PPP6R3: variants seen among roughly 807,000 people sequenced by gnomAD.
PPP6R3 encodes the protein protein phosphatase 6 regulatory subunit 3.
A neutral mutation model predicts 110.7 loss-of-function variants in PPP6R3; 38 were observed. The ratio of observed to expected loss-of-function variants is 0.34; its 90% CI spans 0.26 to 0.45. The LOEUF (loss-of-function observed/expected upper bound fraction) is 0.45. Ranked by LOEUF, PPP6R3 falls within the 20% of genes least tolerant of loss-of-function variation. The probability of loss-of-function intolerance (pLI) is 1.00; values close to 1 mark genes in which losing one functional copy is unlikely to be tolerated. For synonymous variants in PPP6R3, 369 were observed against 373.5 expected, an observed-to-expected ratio of 0.99 and a Z score of 0.14; for missense variants, 870 against 1,062.4, an observed-to-expected ratio of 0.82 and a Z score of 2.52.
At chr11:68,485,409 G>C (rs2098940781) in intron 1 of PPP6R3, among the ~76,000 whole-genome samples, 1 of 151,408 alleles carries the variant, frequency 6.6e-6, no homozygotes, top group Non-Finnish European at 1.5e-5. Flanking sequence ...AGGACTTCCA[G>C]TATGATATGA....
chr11:68,557,682 C>G (rs1412805763), intron 7 of PPP6R3, among the ~76,000 whole-genome samples: 2 of 152,116 alleles, frequency 1.3e-5, no homozygotes, highest in Non-Finnish European at 2.9e-5. Context: ...CGAGGCCCGG[C>G]TAATTTTTGT....
Position 68,601,945 on chromosome 11 carries a change from G to A in PPP6R3, c.2275G>A (p.Ala759Thr). 1 of 1,613,038 alleles carries A rather than the reference G, an allele frequency of 6.2e-7. No homozygotes were observed. The highest frequency in any genetic ancestry group is 8.5e-7 in the Non-Finnish European group (1 of 1,179,608). Residue 759 changes from alanine (A) to threonine (T), a missense_variant, in exon 21 of 24, where the codon GCT becomes ACT. Ala to Thr is a moderately conservative substitution (Grantham distance 58). Coordinates refer to ENST00000393800, the MANE Select transcript of PPP6R3 (RefSeq NM_001164161.2). ...CATGGACCCTCTGACTCCCAGTGCG[G>A]CTGCCCTGGCAGTGCAGCCAGAAGG... is the stretch of plus-strand genomic sequence containing the variant. The part of the protein sequence containing the change: ...EPMDPLTPSA[A>T]ALAVQPEAAG...
chr11:68,470,556 G>A (rs2098783756), intron 1 of PPP6R3, among the ~76,000 whole-genome samples: 2 of 152,180 alleles, frequency 1.3e-5, no homozygotes, highest in South Asian at 2.1e-4. Flanking sequence ...AAGTCATTTG[G>A]TGTTTTGAGC....
At chr11:68,517,068 A>G (rs1429128289) in intron 1 of PPP6R3, among the ~76,000 whole-genome samples, 3 of 149,776 alleles carry the variant, frequency 2.0e-5, no homozygotes, top group Non-Finnish European at 4.4e-5. Context: ...GGTTTTGAGA[A>G]TTATTTATCT....
intron 22 of PPP6R3, among the ~76,000 whole-genome samples, chr11:68,607,176 A>G (rs1204626067): frequency 3.9e-5 from 6 of 152,236 alleles, no homozygotes; most frequent in African/African-American, 1.4e-4. Flanking sequence ...TAAAATTTAT[A>G]TGGAAAAATG....
chr11:68,493,597 TAA>T (rs1210526539), intron 1 of PPP6R3, among the ~76,000 whole-genome samples: 2 of 112,096 alleles, frequency 1.8e-5, no homozygotes, highest in Non-Finnish European at 3.7e-5. Flanking sequence ...ATGCTTGGGG[TAA>T]AAAAAAAAAA....
intron 3 of PPP6R3, among the ~76,000 whole-genome samples, chr11:68,543,263 C>A (rs573764743): frequency 7.9e-4 from 120 of 152,286 alleles, no homozygotes; most frequent in African/African-American, 2.8e-3. Flanking sequence ...CTAGTAGCTG[C>A]ACCTGTAACC....
intron 2 of PPP6R3, among the ~76,000 whole-genome samples, chr11:68,521,475 A>C (rs1484524127): frequency 6.6e-6 from 1 of 152,114 alleles, no homozygotes; most frequent in Non-Finnish European, 1.5e-5. Context: ...ACCTTTAGTT[A>C]TTCCTCCTCC....
intron 9 of PPP6R3, 95 bp from the exon 10 acceptor site, chr11:68,566,918 TG>T: frequency 9.5e-7 from 1 of 1,054,404 alleles, no homozygotes; most frequent in African/African-American, 1.6e-5. Flanking sequence ...CAGGCCATGT[TG>T]TTTGCAGGGT....
In PPP6R3 at chr11:68,511,355, G is replaced by A. The variant is rs548761718; in HGVS notation, c.-157-8146G>A. Among the ~76,000 whole-genome samples, 7 of 152,024 alleles carry A rather than the reference G, an allele frequency of 4.6e-5. No individual in the cohort carries two copies. In the East Asian group the frequency reaches 7.8e-4, roughly 17 times the overall value. On this transcript the variant is annotated intron_variant, in intron 1 of 23. Coordinates refer to ENST00000393800, the MANE Select transcript of PPP6R3 (RefSeq NM_001164161.2). ...GCTGGGATTACAGGCATGAGCCACC[G>A]CGCCCGGCCCATGTATACTATTTAT...
intron 2 of PPP6R3, among the ~76,000 whole-genome samples, chr11:68,523,600 G>A (rs921387485): frequency 1.3e-5 from 2 of 151,964 alleles, no homozygotes; most frequent in African/African-American, 4.8e-5. Context: ...ACCTTGGGGG[G>A]ATCTGTCGCA....
intron 5 of PPP6R3, among the ~76,000 whole-genome samples, chr11:68,550,674 T>G (rs1483966485): frequency 6.6e-6 from 1 of 152,194 alleles, no homozygotes; most frequent in Non-Finnish European, 1.5e-5. Flanking sequence ...CATTTGTTCA[T>G]CCTGTGTTTT....
intron 1 of PPP6R3, among the ~76,000 whole-genome samples, chr11:68,499,591 CAG>C (rs758228619): frequency 2.0e-5 from 3 of 152,062 alleles, no homozygotes; most frequent in African/African-American, 4.8e-5. Context: ...AAAAAAGTGA[CAG>C]GGTCTTATTC....
chr11:68,518,443 G>A (rs1565559383), intron 1 of PPP6R3, among the ~76,000 whole-genome samples: 1 of 152,144 alleles, frequency 6.6e-6, no homozygotes, highest in African/African-American at 2.4e-5. Context: ...AGGAAATTAA[G>A]GAAATAGGAC....
chr11:68,532,348 C>T (rs2099245646), intron 2 of PPP6R3, among the ~76,000 whole-genome samples: 1 of 152,224 alleles, frequency 6.6e-6, no homozygotes, highest in Non-Finnish European at 1.5e-5. Flanking sequence ...GAACAGCAGA[C>T]ATTGTCATCT....
At chr11:68,501,811 A>G (rs538869413) in intron 1 of PPP6R3, among the ~76,000 whole-genome samples, 14 of 152,352 alleles carry the variant, frequency 9.2e-5, no homozygotes, top group African/African-American at 3.4e-4. Flanking sequence ...TTCAGCAGAT[A>G]CCTTGGGTGC....
At chr11:68,527,388 C>G (rs1565614701) in intron 2 of PPP6R3, among the ~76,000 whole-genome samples, 1 of 152,192 alleles carries the variant, frequency 6.6e-6, no homozygotes, top group Non-Finnish European at 1.5e-5. Context: ...ACTCCAGTGT[C>G]TGTCTTAGCA....
At chr11:68,606,408 C>T (rs1199419687) in intron 22 of PPP6R3, among the ~76,000 whole-genome samples, 4 of 151,948 alleles carry the variant, frequency 2.6e-5, no homozygotes, top group Non-Finnish European at 1.5e-5. Context: ...GCCATCCTCC[C>T]ACCTCAACCT....
chr11:68,491,908 A>C (rs2098986776), intron 1 of PPP6R3, among the ~76,000 whole-genome samples: 2 of 152,078 alleles, frequency 1.3e-5, no homozygotes, highest in South Asian at 2.1e-4. Flanking sequence ...CGTTTTAATA[A>C]AGTTTATGAA....
Sources: allele counts gnomAD v4.1 joint callset (sites outside exome capture counted in the v4.1 genomes callset), GRCh38; gene constraint gnomAD v4.1.1; transcripts MANE v1.5; gene names NCBI Gene and HGNC (gene_info 2026-07-23, HGNC 2026-07-21).